The following CNTNAP2 variants were observed in gnomAD, a reference collection of about 807,000 sequenced individuals.
CNTNAP2 encodes the protein contactin associated protein 2.
Under a neutral mutation model 155.2 loss-of-function variants are expected in CNTNAP2, and 98 were observed. The ratio of observed to expected loss-of-function variants is 0.63; its 90% CI spans 0.54 to 0.75. The LOEUF is 0.75. Ranked by LOEUF, CNTNAP2 falls within the 30% of genes least tolerant of loss-of-function variation. The pLI is 0.00. For synonymous variants in CNTNAP2, 651 were observed against 631.2 expected, an observed-to-expected ratio of 1.03 and a Z score of -0.47; for missense variants, 1,727 against 1,688.1, an observed-to-expected ratio of 1.02 and a Z score of -0.40.
At chr7:146,599,482 C>T (rs531667283) in intron 1 of CNTNAP2, among the ~76,000 whole-genome samples, 9 of 152,024 alleles carry the variant, frequency 5.9e-5, no homozygotes, top group Non-Finnish European at 1.3e-4. Flanking sequence ...GTGCCTAGAA[C>T]TATCCACTTT....
At chr7:147,070,195 A>C (rs1225535502) in intron 4 of CNTNAP2, among the ~76,000 whole-genome samples, 1 of 152,220 alleles carries the variant, frequency 6.6e-6, no homozygotes, top group African/African-American at 2.4e-5. Context: ...AAGAAAATAT[A>C]TTGTGCCTAT....
intron 13 of CNTNAP2, among the ~76,000 whole-genome samples, chr7:147,703,249 G>GA (rs1796262935): frequency 6.6e-6 from 1 of 152,004 alleles, no homozygotes; most frequent in African/African-American, 2.4e-5. Context: ...GACAACTAAA[G>GA]CAAGTGGCCA....
intron 1 of CNTNAP2, among the ~76,000 whole-genome samples, chr7:146,163,613 T>G (rs1437635319): frequency 6.9e-6 from 1 of 145,720 alleles, no homozygotes; most frequent in Non-Finnish European, 1.5e-5. Flanking sequence ...CAGGGCGTGG[T>G]GACAGACGCC....
chr7:147,766,639 C>T (rs1797388025), intron 13 of CNTNAP2, among the ~76,000 whole-genome samples: 1 of 152,100 alleles, frequency 6.6e-6, no homozygotes, highest in Admixed American at 6.6e-5. Flanking sequence ...TAATCCTGAA[C>T]TTTTCAAGTA....
intron 1 of CNTNAP2, among the ~76,000 whole-genome samples, chr7:146,456,606 C>G (rs1333595211): frequency 3.3e-5 from 5 of 152,084 alleles, no homozygotes; most frequent in Non-Finnish European, 5.9e-5. Flanking sequence ...TTTACTTGTT[C>G]TTTTGGAGTT....
chr7:147,691,701 C>G (rs1373096529), intron 13 of CNTNAP2, among the ~76,000 whole-genome samples: 1 of 152,046 alleles, frequency 6.6e-6, no homozygotes, highest in Non-Finnish European at 1.5e-5. Context: ...TTTCAATAAG[C>G]TTTATTTTAT....
At chr7:147,056,262 T>C (rs553499629) in intron 4 of CNTNAP2, among the ~76,000 whole-genome samples, 2 of 152,312 alleles carry the variant, frequency 1.3e-5, no homozygotes, top group African/African-American at 4.8e-5. Flanking sequence ...TCTATTTAGC[T>C]GTATGTGCTC....
chr7:146,602,853 C>A (rs570896174), intron 1 of CNTNAP2, among the ~76,000 whole-genome samples: 1 of 152,138 alleles, frequency 6.6e-6, no homozygotes, highest in Admixed American at 6.5e-5. Context: ...ATGGGGGAGA[C>A]CAAATACTAT....
intron 1 of CNTNAP2, among the ~76,000 whole-genome samples, chr7:146,167,136 A>G (rs1022425559): frequency 1.3e-5 from 2 of 152,216 alleles, no homozygotes; most frequent in Non-Finnish European, 2.9e-5. Context: ...ACTACCAACC[A>G]ACAAGTACTT....
At chr7:147,873,665 CT>C (rs755233373) in intron 13 of CNTNAP2, among the ~76,000 whole-genome samples, 7 of 152,142 alleles carry the variant, frequency 4.6e-5, no homozygotes, top group African/African-American at 1.7e-4. Flanking sequence ...CCCCTGGCTC[CT>C]CCCAAATCTC....
intron 10 of CNTNAP2, among the ~76,000 whole-genome samples, chr7:147,458,574 T>C (rs920267685): frequency 3.3e-5 from 5 of 152,150 alleles, no homozygotes; most frequent in Admixed American, 1.3e-4. Flanking sequence ...CCTCTAGTTA[T>C]GAGCTGAGGG....
At chr7:147,516,134 G>A (rs562270645) in intron 11 of CNTNAP2, among the ~76,000 whole-genome samples, 4 of 152,220 alleles carry the variant, frequency 2.6e-5, no homozygotes, top group Non-Finnish European at 4.4e-5. Context: ...TAAAATGTTA[G>A]GAGAAAACTT....
At chr7:147,473,054 A>G (rs1399163254) in intron 10 of CNTNAP2, among the ~76,000 whole-genome samples, 1 of 152,170 alleles carries the variant, frequency 6.6e-6, no homozygotes, top group African/African-American at 2.4e-5. Context: ...ACAGGGATCA[A>G]CTCAGGGCAA....
At chr7:146,124,283 A>T (rs1322642183) in intron 1 of CNTNAP2, among the ~76,000 whole-genome samples, 1 of 152,160 alleles carries the variant, frequency 6.6e-6, no homozygotes, top group Non-Finnish European at 1.5e-5. Flanking sequence ...CTTCTATATC[A>T]TAGACTGAAG....
At chr7:146,566,778 T>A (rs896214581) in intron 1 of CNTNAP2, among the ~76,000 whole-genome samples, 1 of 152,122 alleles carries the variant, frequency 6.6e-6, no homozygotes, top group Non-Finnish European at 1.5e-5. Context: ...ACAAGTAACC[T>A]AGTTGGATTA....
intron 15 of CNTNAP2, among the ~76,000 whole-genome samples, chr7:148,033,945 T>C (rs929555994): frequency 1.3e-5 from 2 of 151,988 alleles, no homozygotes; most frequent in African/African-American, 4.8e-5. Context: ...AGGTAGCCAG[T>C]GATCATCAAA....
intron 1 of CNTNAP2, among the ~76,000 whole-genome samples, chr7:146,490,488 AC>A (rs2129131000): frequency 6.6e-6 from 1 of 152,332 alleles, no homozygotes; most frequent in Non-Finnish European, 1.5e-5. Context: ...CCGCGACATA[AC>A]TTTTGAGTAA....
chr7:148,328,218 A>T (rs1296093033), intron 21 of CNTNAP2, among the ~76,000 whole-genome samples: 2 of 152,090 alleles, frequency 1.3e-5, no homozygotes, highest in Non-Finnish European at 2.9e-5. Context: ...GAAAGCTTTC[A>T]GGTGGAGAGA....
intron 21 of CNTNAP2, among the ~76,000 whole-genome samples, chr7:148,361,004 T>C (rs1444160570): frequency 6.6e-6 from 1 of 152,148 alleles, no homozygotes; most frequent in Non-Finnish European, 1.5e-5. Context: ...AGACGGGGTT[T>C]CACCATGTTG....
Sources: gnomAD v4.1 joint callset for allele counts (sites outside exome capture counted in the v4.1 genomes callset) on GRCh38, gnomAD v4.1.1 for gene constraint, MANE v1.5 for transcripts, NCBI Gene and HGNC (gene_info 2026-07-23, HGNC 2026-07-21) for gene names.